HIVEP3: variants seen among roughly 807,000 people sequenced by gnomAD.
HIVEP3 encodes transcription factor HIVEP3.
In HIVEP3, 49 loss-of-function variants were observed where a neutral mutation model predicts 152.8. That is an observed-to-expected ratio of 0.32 (90% CI 0.26 to 0.41). The LOEUF is 0.41. HIVEP3 is among the 10% of genes least tolerant of loss of function. The pLI, the probability that HIVEP3 is intolerant of heterozygous loss-of-function variation, is 1.00. For missense variants in HIVEP3, 2,790 were observed against 3,103.3 expected, an observed-to-expected ratio of 0.90 and a Z score of 2.40; for synonymous variants, 1,269 against 1,289.0, an observed-to-expected ratio of 0.98 and a Z score of 0.33.
chr1:41,784,470 T>G (rs1649230093), intron 1 of HIVEP3, among the ~76,000 whole-genome samples: 1 of 152,216 alleles, frequency 6.6e-6, no homozygotes, highest in South Asian at 2.1e-4. Flanking sequence ...TGGCTTGCAT[T>G]ATATTTCTAC....
intron 1 of HIVEP3, among the ~76,000 whole-genome samples, chr1:41,762,024 T>A (rs566612840): frequency 2.6e-5 from 4 of 152,220 alleles, no homozygotes; most frequent in Non-Finnish European, 4.4e-5. Flanking sequence ...CTCACCTATT[T>A]TACACATACC....
At chr1:41,798,877 A>C (rs1650137504) in intron 1 of HIVEP3, among the ~76,000 whole-genome samples, 1 of 152,332 alleles carries the variant, frequency 6.6e-6, no homozygotes, top group South Asian at 2.1e-4. Flanking sequence ...AAAATTATTA[A>C]AGTGCTTGAC....
At chr1:42,003,114 T>G (rs893349601) in intron 1 of HIVEP3, among the ~76,000 whole-genome samples, 2 of 152,104 alleles carry the variant, frequency 1.3e-5, no homozygotes, top group African/African-American at 4.8e-5. Context: ...CTTGCTCTGT[T>G]GCCCAGGCTG....
chr1:41,599,957 C>T (rs1021219570), intron 3 of HIVEP3, among the ~76,000 whole-genome samples: 11 of 152,076 alleles, frequency 7.2e-5, no homozygotes, highest in Non-Finnish European at 1.2e-4. Flanking sequence ...CCAAGAAGCA[C>T]GTGAAAAGAT....
At chr1:41,931,778 A>T (rs1644996941) in intron 1 of HIVEP3, among the ~76,000 whole-genome samples, 1 of 152,032 alleles carries the variant, frequency 6.6e-6, no homozygotes, top group Non-Finnish European at 1.5e-5. Flanking sequence ...GTTCATTGCT[A>T]GCATGAAGAA....
At chr1:41,585,472 C>T (rs963352009) in intron 3 of HIVEP3, among the ~76,000 whole-genome samples, 154 bp from the exon 4 acceptor site, 1 of 152,116 alleles carries the variant, frequency 6.6e-6, no homozygotes, top group Non-Finnish European at 1.5e-5. Flanking sequence ...AGCAGAACCA[C>T]AGGCTCCGGC....
upstream of HIVEP3, among the ~76,000 whole-genome samples, chr1:41,919,877 C>T (rs1261432804): frequency 6.6e-6 from 1 of 152,188 alleles, no homozygotes; most frequent in Non-Finnish European, 1.5e-5. Flanking sequence ...TTGACAGTTT[C>T]TTTTTCACCC....
chr1:41,529,141 T>C (rs1355284808), intron 5 of HIVEP3, among the ~76,000 whole-genome samples: 3 of 33,004 alleles, frequency 9.1e-5, no homozygotes, highest in African/African-American at 1.2e-4. Flanking sequence ...CAACTCACCC[T>C]CACACACACC....
chr1:41,610,653 C>T (rs1644883994), intron 3 of HIVEP3, among the ~76,000 whole-genome samples: 1 of 152,208 alleles, frequency 6.6e-6, no homozygotes, highest in Non-Finnish European at 1.5e-5. Flanking sequence ...GAGAGGACCC[C>T]ACAGGCCATG....
chr1:41,561,579 C>T (rs768396271), intron 5 of HIVEP3, among the ~76,000 whole-genome samples: 2 of 151,616 alleles, frequency 1.3e-5, no homozygotes, highest in Non-Finnish European at 2.9e-5. Flanking sequence ...GTGATGTGAT[C>T]ATGGCTTACT....
chr1:41,699,144 C>T (rs927634247), intron 2 of HIVEP3, among the ~76,000 whole-genome samples: 5 of 152,210 alleles, frequency 3.3e-5, no homozygotes, highest in Non-Finnish European at 7.3e-5. Flanking sequence ...AGCAGGGAAG[C>T]CCCGAAAGTA....
At chr1:41,565,351 G>C (rs556909840) in intron 5 of HIVEP3, among the ~76,000 whole-genome samples, 1 of 151,596 alleles carries the variant, frequency 6.6e-6, no homozygotes, top group Non-Finnish European at 1.5e-5. Context: ...AAGACAATCT[G>C]CCAAAAGAGA....
intron 1 of HIVEP3, among the ~76,000 whole-genome samples, chr1:41,790,646 C>T (rs12748597): frequency 0.29 from 43,558 of 151,912 alleles, 7,386 homozygotes; most frequent in Middle Eastern, 0.43. Context: ...AAGTACCTCC[C>T]GCCAAAGATA....
At chr1:41,737,349 C>T (rs1646934191) in intron 1 of HIVEP3, among the ~76,000 whole-genome samples, 1 of 152,180 alleles carries the variant, frequency 6.6e-6, no homozygotes, top group Non-Finnish European at 1.5e-5. Flanking sequence ...CCCACAGTGC[C>T]TCCAACCCCT....
chr1:41,585,325 G>A lies in HIVEP3; in HGVS notation c.-521-7C>T, dbSNP rs1644487997. 5.0e-6 allele frequency: 2 copies of A among 398,934 alleles called. No homozygotes were observed. Among genetic ancestry groups the A allele is most frequent in the Admixed American group, 4.4e-5 (1 of 22,708 alleles). The allele number at this position is 398,934 out of a possible 1,614,324, so 24.7% of individuals were successfully genotyped here. On this transcript the variant is annotated splice_polypyrimidine_tract_variant and splice_region_variant and intron_variant, in intron 3 of 8. Transcript: ENST00000372583. ...GAGAAATCACGCTCTTCTTCTGTGT[G>A]ATAGATGTACACACACACAGAAATA...
intron 1 of HIVEP3, among the ~76,000 whole-genome samples, chr1:41,811,097 A>ATTT (rs11307649): frequency 1.4e-5 from 2 of 145,056 alleles, no homozygotes; most frequent in African/African-American, 2.5e-5. Flanking sequence ...CAATGACCAG[A>ATTT]TTTTTTTTTT....
chr1:41,525,526 C>A (rs1297071940), intron 5 of HIVEP3, among the ~76,000 whole-genome samples: 1 of 152,170 alleles, frequency 6.6e-6, no homozygotes, highest in Non-Finnish European at 1.5e-5. Context: ...CCTTGATATT[C>A]ATGGGAGGAG....
At chr1:41,937,218 T>C (rs921427050) in intron 1 of HIVEP3, among the ~76,000 whole-genome samples, 2 of 152,060 alleles carry the variant, frequency 1.3e-5, no homozygotes, top group African/African-American at 4.8e-5. Flanking sequence ...CCAAAAATAA[T>C]AAATATATAT....
intron 1 of HIVEP3, among the ~76,000 whole-genome samples, chr1:41,975,596 T>C (rs998709768): frequency 6.6e-6 from 1 of 152,254 alleles, no homozygotes; most frequent in Non-Finnish European, 1.5e-5. Flanking sequence ...ACTTGATTTA[T>C]ACAATTTTTA....
Sources: gnomAD v4.1 joint callset for allele counts (sites outside exome capture counted in the v4.1 genomes callset) on GRCh38, gnomAD v4.1.1 for gene constraint, MANE v1.5 for transcripts, NCBI Gene and HGNC (gene_info 2026-07-23, HGNC 2026-07-21) for gene names.